The following KIF13A variants were observed in gnomAD, a reference collection of about 807,000 sequenced individuals.
KIF13A encodes the protein kinesin family member 13A.
Under a neutral mutation model 212.2 loss-of-function variants are expected in KIF13A, and 79 were observed. That is an observed-to-expected ratio of 0.37 (90% confidence interval 0.31 to 0.45). The LOEUF (loss-of-function observed/expected upper bound fraction) is 0.45, where lower values mean the gene tolerates loss of function less well. Among genes scored for constraint, KIF13A ranks in the 20% least tolerant of loss-of-function variants. KIF13A has a pLI of 1.00. For synonymous variants in KIF13A, 789 were observed against 808.6 expected (o/e 0.98, Z 0.41); for missense variants, 1,901 against 2,209.0 (o/e 0.86, Z 2.79).
intron 23 of KIF13A, among the ~76,000 whole-genome samples, chr6:17,795,577 A>G (rs1418518573): frequency 6.7e-6 from 1 of 149,062 alleles, no homozygotes; most frequent in Non-Finnish European, 1.5e-5. Context: ...AGCCTGGGAG[A>G]CAGAGCAAGA....
rs1213516208 is a variant in KIF13A at position 17,771,222 on chromosome 6, C to G, written c.4477-4G>C. 6.2e-7 allele frequency: 1 copy of G among 1,605,230 alleles called. No homozygotes were observed. The highest frequency in any genetic ancestry group is 1.3e-5 in the African/African-American group (1 of 74,914). On this transcript the variant is annotated splice_polypyrimidine_tract_variant and splice_region_variant and intron_variant, in intron 37 of 38. Coordinates refer to ENST00000259711, the MANE Select transcript of KIF13A (RefSeq NM_022113.6). This position sits in a 1 kb window ranked among gnomAD's most constrained non-coding sequence, Gnocchi z 5.4. ...GTGCCTGAGGTGGAGGCATGCTCTG[C>G]AAAGGTTAAGACACACAGATGCATC...
At chr6:17,931,203 G>A (rs1261498613) in intron 2 of KIF13A, among the ~76,000 whole-genome samples, 2 of 152,126 alleles carry the variant, frequency 1.3e-5, no homozygotes, top group African/African-American at 4.8e-5. Context: ...TTATTCTAAG[G>A]TCACGAGAGC....
chr6:17,780,025 C>T (rs534567605), intron 31 of KIF13A, among the ~76,000 whole-genome samples: 17 of 152,198 alleles, frequency 1.1e-4, no homozygotes, highest in African/African-American at 3.6e-4. Flanking sequence ...GGACTACAGG[C>T]GTGAGCCACC....
At chr6:17,877,605 A>G (rs1024597030) in intron 3 of KIF13A, among the ~76,000 whole-genome samples, 3 of 152,052 alleles carry the variant, frequency 2.0e-5, no homozygotes, top group Non-Finnish European at 2.9e-5. Flanking sequence ...TTTTCTTTTG[A>G]CCTAAGTCAA....
chr6:17,964,643 G>A (rs759099854), intron 2 of KIF13A, among the ~76,000 whole-genome samples: 15 of 152,210 alleles, frequency 9.9e-5, no homozygotes, highest in Admixed American at 2.0e-4. Flanking sequence ...CTGCTTTCTC[G>A]AAGAGAAAGA....
At position 17,771,679 on chromosome 6, in the gene KIF13A, T is replaced by C; in HGVS notation, c.4476+229A>G. ...CTTTCTCACTTGAAACATAAAAAAA[T>C]ACTTTGAAAAGCCATAAACACAAAG... On this transcript the variant is annotated intron_variant, in intron 37 of 38. Transcript: ENST00000259711. The surrounding 1 kb of genome is among the most constrained non-coding windows in gnomAD (Gnocchi z 5.4). 1 of 437,334 alleles carries C rather than the reference T, an allele frequency of 2.3e-6. No individual in the cohort carries two copies. Among genetic ancestry groups the C allele is most frequent in the Non-Finnish European group, 4.1e-6 (1 of 246,366 alleles). 27.1% of individuals were successfully genotyped at this position (437,334 alleles called of 1,614,324 possible).
rs927121164 is a variant in KIF13A at position 17,834,928 on chromosome 6, C to T, written c.1156-857G>A. 3.9e-5 allele frequency among the ~76,000 whole-genome samples: 6 copies of T among 152,074 alleles called. No homozygotes were observed. The highest frequency in any genetic ancestry group is 1.2e-4 in the African/African-American group (5 of 41,490). On this transcript the variant is annotated intron_variant, in intron 11 of 38. Transcript: ENST00000259711. The surrounding 1 kb of genome is among the most constrained non-coding windows in gnomAD (Gnocchi z 4.0). The stretch of plus-strand genomic sequence containing the variant: ...AAAATTATAGGCCAGGCCAATGGCT[C>T]CTGCCTGTAACCCCAACAGTTTGGG...
intron 22 of KIF13A, among the ~76,000 whole-genome samples, chr6:17,797,231 G>A (rs562185886): frequency 4.6e-5 from 7 of 151,936 alleles, no homozygotes; most frequent in East Asian, 2.0e-4. Flanking sequence ...GGGTTTCACC[G>A]TGTTAGCTAC....
In KIF13A at chr6:17,799,827, C is replaced by G; in HGVS notation, c.2616+125G>C. The G allele has an allele frequency of 1.1e-6, 1 of 949,444 alleles. No individual in the cohort carries two copies. Among genetic ancestry groups the G allele is most frequent in the Non-Finnish European group, 1.6e-6 (1 of 616,386 alleles). The allele number at this position is 949,444 out of a possible 1,614,324, so 58.8% of individuals were successfully genotyped here. The stretch of plus-strand genomic sequence containing the variant: ...TCTGAAAACAAAGTACTGTCCACCA[C>G]TGTATCTGCTGTTACAAAATCCAAC... On this transcript the variant is annotated intron_variant, in intron 21 of 38. Coordinates refer to ENST00000259711, the MANE Select transcript of KIF13A (RefSeq NM_022113.6). This position sits in a 1 kb window ranked among gnomAD's most constrained non-coding sequence, Gnocchi z 4.4.
In KIF13A at chr6:17,803,279, A is replaced by C. The variant is rs557904776; in HGVS notation, c.2454+1082T>G. 2.0e-5 allele frequency among the ~76,000 whole-genome samples: 3 copies of C among 152,072 alleles called. No homozygotes were observed. The East Asian group carries it at 5.8e-4, about 29-fold the overall frequency. On this transcript the variant is annotated intron_variant, in intron 20 of 38. Transcript: ENST00000259711. ...ATTTCTTTTTTAGACATGGGGTCTCATAGTGTTGACCAGGCTGGTTTCAGA... is the reference window on the plus strand; with the variant it reads ...ATTTCTTTTTTAGACATGGGGTCTCCTAGTGTTGACCAGGCTGGTTTCAGA...
chr6:17,792,865 A>G (rs1242182937), intron 25 of KIF13A, among the ~76,000 whole-genome samples: 1 of 152,230 alleles, frequency 6.6e-6, no homozygotes, highest in Non-Finnish European at 1.5e-5. Context: ...ACTAAGATAG[A>G]AGAGAAAACA....
At chr6:17,879,206 T>C (rs1280297428) in intron 3 of KIF13A, among the ~76,000 whole-genome samples, 1 of 152,246 alleles carries the variant, frequency 6.6e-6, no homozygotes, top group Non-Finnish European at 1.5e-5. Flanking sequence ...TCCTGTTTTA[T>C]GCCTTGGTTC....
rs1766070958 is a variant in KIF13A, at chr6:17,837,448, A to G, written c.942+24T>C. ...TGGAATAGCCAATTTTTAGTTGGAA[A>G]AGAACACTAGAGCAATGGATTACCT... On this transcript the variant is annotated intron_variant, in intron 10 of 38. Transcript: ENST00000259711. The surrounding 1 kb of genome is among the most constrained non-coding windows in gnomAD (Gnocchi z 5.4). 4 of 1,526,968 alleles carry G rather than the reference A, an allele frequency of 2.6e-6. No individual in the cohort carries two copies. The highest frequency in any genetic ancestry group is 2.3e-5 in the East Asian group (1 of 43,538). The allele number at this position is 1,526,968 out of a possible 1,614,324, so 94.6% of individuals were successfully genotyped here. A position where few individuals can be genotyped will look rare whatever the true frequency, so the allele number is the denominator to read the frequency against.
chr6:17,805,370 CGTGTGTGTGTGT>C (rs59526903), intron 19 of KIF13A, 93 bp downstream of exon 19: 106 of 738,356 alleles, frequency 1.4e-4, no homozygotes, highest in South Asian at 3.7e-4. Flanking sequence ...AGCACATCTC[CGTGTGTGTGTGT>C]GTGTGTGTGT....
In KIF13A at chr6:17,852,854, A is replaced by G. The variant is rs185127107; in HGVS notation, c.495-812T>C. ...TATAGTACAGAGTTTGTTTATAATT[A>G]CTGACGTTTGTACTATATTTAGAAT... is the stretch of plus-strand genomic sequence containing the variant. On this transcript the variant is annotated intron_variant, in intron 6 of 38. Transcript: ENST00000259711. Among the ~76,000 whole-genome samples, 916 of 152,356 alleles carry G rather than the reference A, an allele frequency of 6.0e-3. 4 individuals carry two copies. Among genetic ancestry groups the G allele is most frequent in the Middle Eastern group, 0.014 (4 of 294 alleles).
chr6:17,967,104 T>C lies in KIF13A; in HGVS notation c.146+19950A>G, dbSNP rs2150599796. Among the ~76,000 whole-genome samples the C allele has an allele frequency of 6.6e-6, 1 of 152,332 alleles. No individual in the cohort carries two copies. The highest frequency in any genetic ancestry group is 6.5e-5 in the Admixed American group (1 of 15,304). ...TCAGGGGAAAAGTAATCCGAGGAGA[T>C]AAAAACTTTGGTGAAGGAAAATGTT... On this transcript the variant is annotated intron_variant, in intron 2 of 38. Coordinates refer to ENST00000259711, the MANE Select transcript of KIF13A (RefSeq NM_022113.6). The surrounding 1 kb of genome is among the most constrained non-coding windows in gnomAD (Gnocchi z 4.1).
chr6:17,849,299 A>AG lies in KIF13A; in HGVS notation c.830+77_830+78insC. The AG allele has an allele frequency of 3.1e-6, 3 of 977,842 alleles. No homozygotes were observed. Among genetic ancestry groups the AG allele is most frequent in the Non-Finnish European group, 4.7e-6 (3 of 639,158 alleles). The allele number at this position is 977,842 out of a possible 1,614,324, so 60.6% of individuals were successfully genotyped here. ...AGACTTTAAACAACCTGTACATCAG[A>AG]ACCATCTGACCCTCATAATGCAACA... is the stretch of plus-strand genomic sequence containing the variant. On this transcript the variant is annotated intron_variant, in intron 9 of 38. Transcript: ENST00000259711. The surrounding 1 kb of genome is among the most constrained non-coding windows in gnomAD (Gnocchi z 5.7).
intron 4 of KIF13A, among the ~76,000 whole-genome samples, chr6:17,864,142 C>G (rs1769130484): frequency 6.6e-6 from 1 of 152,176 alleles, no homozygotes; most frequent in Non-Finnish European, 1.5e-5. Flanking sequence ...CCCAGACAAT[C>G]CGAGCAGAGC....
chr6:17,759,569 C>A (rs1758497787), downstream of KIF13A: 1 of 152,186 alleles, frequency 6.6e-6, no homozygotes, highest in African/African-American at 2.4e-5. Context: ...ATTATACAGG[C>A]ATCTACAGAA....
Sources: allele counts gnomAD v4.1 joint callset (sites outside exome capture counted in the v4.1 genomes callset), GRCh38; gene constraint gnomAD v4.1.1; non-coding constraint Gnocchi (gnomAD v3.1); transcripts MANE v1.5; gene names NCBI Gene and HGNC (gene_info 2026-07-23, HGNC 2026-07-21).